The following GNG12 variants were observed in gnomAD, a reference collection of about 807,000 sequenced individuals.
GNG12 encodes the protein G protein subunit gamma 12, also known as guanine nucleotide-binding protein G(I)/G(S)/G(O) subunit gamma-12.
For missense variants in GNG12, 69 were observed against 83.8 expected (o/e 0.82, Z 0.69); for synonymous variants, 28 against 29.7 (o/e 0.94, Z 0.19).
chr1:67,731,286 G>T (rs989328947), intron 2 of GNG12, among the ~76,000 whole-genome samples: 6 of 152,150 alleles, frequency 3.9e-5, no homozygotes, highest in Non-Finnish European at 8.8e-5. Context: ...TGCTCTGGTA[G>T]GCCCTGAGGA....
chr1:67,729,099 T>A (rs1313904847), intron 2 of GNG12, among the ~76,000 whole-genome samples: 3 of 152,270 alleles, frequency 2.0e-5, no homozygotes, highest in African/African-American at 7.2e-5. Flanking sequence ...GTTCTTCACA[T>A]TTCTGACAGG....
At position 67,703,052 on chromosome 1, in the gene GNG12, A is replaced by G; in HGVS notation, c.*2399T>C. 6.6e-6 allele frequency: 1 copy of G among 152,200 alleles called. No individual in the cohort carries two copies. The highest frequency in any genetic ancestry group is 1.9e-4 in the East Asian group (1 of 5,202). The allele number at this position is 152,200 out of a possible 1,614,324, so 9.4% of individuals were successfully genotyped here. A position where few individuals can be genotyped will look rare whatever the true frequency, so the allele number is the denominator to read the frequency against. ...TTCTGCATATCATATATATGTATAC[A>G]TATATTTTCTCACATAGACGTCTAG... On this transcript the variant is annotated 3_prime_UTR_variant, in exon 4 of 4. Transcript: ENST00000370982.
At chr1:67,711,641 T>C (rs1454695913) in intron 2 of GNG12, among the ~76,000 whole-genome samples, 2 of 152,106 alleles carry the variant, frequency 1.3e-5, no homozygotes, top group Non-Finnish European at 2.9e-5. Context: ...AGTTAATCTT[T>C]CCCAGTTGAT....
At chr1:67,832,512 G>A (rs751414207) in intron 1 of GNG12, 8 of 152,228 alleles carry the variant, frequency 5.3e-5, no homozygotes, top group Non-Finnish European at 7.4e-5. Flanking sequence ...GAGGTGCTAA[G>A]TGACAGCGTT....
intron 1 of GNG12, 35 bp from the exon 2 acceptor site, chr1:67,777,542 A>T: frequency 2.1e-6 from 1 of 485,762 alleles, no homozygotes; most frequent in Non-Finnish European, 2.7e-6. Context: ...CCATAAGTAA[A>T]TCACATTTGG....
intron 2 of GNG12, among the ~76,000 whole-genome samples, chr1:67,771,021 G>C (rs1488436770): frequency 6.6e-6 from 1 of 152,210 alleles, no homozygotes; most frequent in Non-Finnish European, 1.5e-5. Context: ...TACAGAGAGA[G>C]AGAGAGAGAG....
intron 2 of GNG12, among the ~76,000 whole-genome samples, chr1:67,712,708 A>C (rs564816144): frequency 1.8e-4 from 27 of 151,852 alleles, no homozygotes; most frequent in African/African-American, 6.3e-4. Flanking sequence ...AAAAAAGTTA[A>C]CCCAGTTCGT....
chr1:67,820,614 C>A (rs1014863592), intron 1 of GNG12, among the ~76,000 whole-genome samples: 6 of 152,196 alleles, frequency 3.9e-5, no homozygotes, highest in African/African-American at 1.4e-4. Context: ...GGCTGTTGGA[C>A]AGCAAAACGG....
chr1:67,727,866 T>G (rs553546912), intron 2 of GNG12, among the ~76,000 whole-genome samples: 1 of 152,354 alleles, frequency 6.6e-6, no homozygotes, highest in Non-Finnish European at 1.5e-5. Context: ...AGCATGCAAA[T>G]TTATGTGATA....
chr1:67,772,001 A>G (rs1380498758), intron 2 of GNG12, among the ~76,000 whole-genome samples: 2 of 152,306 alleles, frequency 1.3e-5, no homozygotes, highest in East Asian at 3.9e-4. Context: ...ACACTTTACT[A>G]ATTGAGCCAA....
At chr1:67,727,662 T>A (rs921455546) in intron 2 of GNG12, among the ~76,000 whole-genome samples, 5 of 152,218 alleles carry the variant, frequency 3.3e-5, no homozygotes, top group Non-Finnish European at 4.4e-5. Flanking sequence ...TCTTTGTATG[T>A]CCCTTCTGCC....
intron 2 of GNG12, among the ~76,000 whole-genome samples, chr1:67,765,343 A>T (rs550279572): frequency 6.6e-6 from 1 of 152,322 alleles, no homozygotes; most frequent in South Asian, 2.1e-4. Flanking sequence ...ACTAATATAA[A>T]CACTATGATT....
chr1:67,772,632 T>C (rs961557568), intron 2 of GNG12: 4 of 152,200 alleles, frequency 2.6e-5, no homozygotes, highest in African/African-American at 9.7e-5. Flanking sequence ...GCTAGACAAA[T>C]TCTAAAAGAG....
At chr1:67,790,542 T>C (rs550050847) in intron 1 of GNG12, among the ~76,000 whole-genome samples, 19 of 152,230 alleles carry the variant, frequency 1.2e-4, no homozygotes, top group African/African-American at 4.3e-4. Context: ...CTGTTGGTGA[T>C]GTATTTATGT....
At chr1:67,749,986 C>T (rs72922779) in intron 2 of GNG12, among the ~76,000 whole-genome samples, 4,855 of 152,254 alleles carry the variant, frequency 0.032, 227 homozygotes, top group African/African-American at 0.1. Context: ...AAACCTTGGG[C>T]ACTCTCAGAA....
chr1:67,709,609 C>T (rs1388865422), intron 2 of GNG12, among the ~76,000 whole-genome samples: 3 of 151,270 alleles, frequency 2.0e-5, no homozygotes, highest in African/African-American at 7.3e-5. Flanking sequence ...GCTACCTCTT[C>T]CTCGGATTCC....
At chr1:67,712,403 A>G (rs1470399317) in intron 2 of GNG12, among the ~76,000 whole-genome samples, 1 of 152,252 alleles carries the variant, frequency 6.6e-6, no homozygotes, top group Non-Finnish European at 1.5e-5. Context: ...TTCAAAAGTT[A>G]ACCCAGGCTG....
chr1:67,785,298 G>A (rs1202276046), intron 1 of GNG12, among the ~76,000 whole-genome samples: 4 of 151,894 alleles, frequency 2.6e-5, no homozygotes, highest in Admixed American at 6.6e-5. Flanking sequence ...TTTTATACAG[G>A]CAAAATAATT....
chr1:67,803,472 A>G (rs774366813), intron 1 of GNG12, among the ~76,000 whole-genome samples: 1 of 152,238 alleles, frequency 6.6e-6, no homozygotes, highest in Non-Finnish European at 1.5e-5. Flanking sequence ...AAGGAGTGAG[A>G]GAACAGCAGC....
Sources: gnomAD v4.1 joint callset for allele counts (sites outside exome capture counted in the v4.1 genomes callset) on GRCh38, gnomAD v4.1.1 for gene constraint, MANE v1.5 for transcripts, NCBI Gene and HGNC (gene_info 2026-07-23, HGNC 2026-07-21) for gene names.